Variants in COL4A6 observed in about 807,000 individuals in gnomAD.
The protein encoded by COL4A6 is collagen alpha-6(IV) chain.
Under a neutral mutation model 126.7 loss-of-function variants are expected in COL4A6, and 59 were observed. The ratio of observed to expected loss-of-function variants is 0.47; its 90% CI spans 0.38 to 0.58. The LOEUF is 0.58. Ranked by LOEUF, COL4A6 falls within the 20% of genes least tolerant of loss-of-function variation. The pLI, the probability that COL4A6 is intolerant of heterozygous loss-of-function variation, is 0.00. For missense variants in COL4A6, 1,285 were observed against 1,337.3 expected, an observed-to-expected ratio of 0.96 and a Z score of 0.61; for synonymous variants, 547 against 496.6, an observed-to-expected ratio of 1.10 and a Z score of -1.35.
intron 2 of COL4A6, among the ~76,000 whole-genome samples, chrX:108,364,719 A>G (rs2040160054): frequency 1.8e-5 from 2 of 111,913 alleles, no homozygotes; most frequent in South Asian, 7.7e-4. Flanking sequence ...AATGGCCTCC[A>G]GTTCCATTCA....
At chrX:108,419,137 C>T (rs1423063444) in intron 2 of COL4A6, among the ~76,000 whole-genome samples, 1 of 111,926 alleles carries the variant, frequency 8.9e-6, no homozygotes, top group Non-Finnish European at 1.9e-5. Flanking sequence ...AAAGTAACTC[C>T]AAACTGAGGC....
At chrX:108,317,318 G>T (rs1165160613) in intron 2 of COL4A6, among the ~76,000 whole-genome samples, 1 of 111,958 alleles carries the variant, frequency 8.9e-6, no homozygotes, top group Non-Finnish European at 1.9e-5. Context: ...GGAGAAGCTT[G>T]CTTGGGAAGC....
intron 2 of COL4A6, among the ~76,000 whole-genome samples, chrX:108,350,167 T>A (rs1269590288): frequency 1.8e-5 from 2 of 111,942 alleles, no homozygotes; most frequent in African/African-American, 6.5e-5. Context: ...AAAACAAAAA[T>A]GCTATCATAA....
At chrX:108,373,356 A>G (rs1183348173) in intron 2 of COL4A6, among the ~76,000 whole-genome samples, 1 of 112,019 alleles carries the variant, frequency 8.9e-6, no homozygotes, top group Admixed American at 9.4e-5. Context: ...ACTGAATTTA[A>G]AATTTAAAGC....
At chrX:108,346,983 A>C (rs1486607658) in intron 2 of COL4A6, among the ~76,000 whole-genome samples, 1 of 112,239 alleles carries the variant, frequency 8.9e-6, no homozygotes, top group African/African-American at 3.2e-5. Context: ...GCTTTCCTAG[A>C]GTGTCGTTTA....
At chrX:108,301,632 C>A (rs764819352) in intron 3 of COL4A6, among the ~76,000 whole-genome samples, 5 of 111,555 alleles carry the variant, frequency 4.5e-5, no homozygotes, top group African/African-American at 1.6e-4. Flanking sequence ...GAATGGAACA[C>A]TTGATTTAAA....
intron 2 of COL4A6, among the ~76,000 whole-genome samples, chrX:108,331,361 C>T (rs1040929683): frequency 8.9e-6 from 1 of 111,978 alleles, no homozygotes; most frequent in Non-Finnish European, 1.9e-5. Flanking sequence ...CTTACACAAA[C>T]TTAGATGGTA....
At chrX:108,269,270 A>AC (rs1016938501) in intron 3 of COL4A6, 1 of 295,512 alleles carries the variant, frequency 3.4e-6, no homozygotes, top group African/African-American at 2.7e-5. Context: ...AGAGCAAAGC[A>AC]CACTGTCAGT....
At position 108,362,362 on chromosome X, in the gene COL4A6, A is replaced by G. The variant is rs148328642; in HGVS notation, c.64-51534T>C. 1.1e-3 allele frequency among the ~76,000 whole-genome samples: 124 copies of G among 111,983 alleles called. 1 individual carries two copies. The East Asian group carries it at 0.016, about 15-fold the overall frequency. On this transcript the variant is annotated intron_variant, in intron 2 of 44. Transcript: ENST00000334504. ...AACTTGAACAGATGGGTAAAATGTTAATACATGATCATGGGCATGTTGATA... is the reference window on the plus strand; with the variant it reads ...AACTTGAACAGATGGGTAAAATGTTGATACATGATCATGGGCATGTTGATA...
In COL4A6 at chrX:108,161,675, G is replaced by A. The variant is rs2033943378; in HGVS notation, c.4277C>T (p.Pro1426Leu). 9.6e-6 allele frequency: 11 copies of A among 1,141,975 alleles called. No individual in the cohort carries two copies. The South Asian group carries it at 1.8e-4, about 19-fold the overall frequency. The allele number at this position is 1,141,975 out of a possible 1,213,427, so 94.1% of individuals were successfully genotyped here. ...CAGACCAGGATCACCAAGAGCCCCA[G>A]GTGGGCCTGGGAGCCCACTGGGGCC... Reference protein sequence around the residue: ...KDGPSGLPGPPGALGDPGLPG... With the variant: ...KDGPSGLPGPLGALGDPGLPG... Residue 1426 changes from proline to leucine, a missense_variant, in exon 42 of 45, where the codon CCT (proline) becomes CTT (leucine). Pro to Leu is a moderately conservative substitution (Grantham distance 98). Transcript: ENST00000334504.
chrX:108,219,145 G>A (rs2035941560), intron 5 of COL4A6, among the ~76,000 whole-genome samples: 1 of 112,126 alleles, frequency 8.9e-6, no homozygotes, highest in Admixed American at 9.4e-5. Context: ...CACTTCTCTT[G>A]GGCAGAGCAG....
chrX:108,324,941 A>C lies in COL4A6; in HGVS notation c.64-14113T>G, dbSNP rs542664676. On this transcript the variant is annotated intron_variant, in intron 2 of 44. Transcript: ENST00000334504. ...AAAGAACAACATATTACTTTTACCTATTTTTTGGCTGCAATATTAAGCTGT... is the reference window on the plus strand; with the variant it reads ...AAAGAACAACATATTACTTTTACCTCTTTTTTGGCTGCAATATTAAGCTGT... Among the ~76,000 whole-genome samples, 3 of 112,391 alleles carry C rather than the reference A, an allele frequency of 2.7e-5. No individual in the cohort carries two copies. The South Asian group carries it at 1.1e-3, about 41-fold the overall frequency.
intron 3 of COL4A6, among the ~76,000 whole-genome samples, chrX:108,297,455 G>C (rs2038355992): frequency 9.0e-6 from 1 of 111,103 alleles, no homozygotes; most frequent in African/African-American, 3.3e-5. Flanking sequence ...AGGATGTTTA[G>C]TAGCATCCCT....
intron 2 of COL4A6, among the ~76,000 whole-genome samples, chrX:108,372,841 T>A (rs759785958): frequency 8.9e-6 from 1 of 112,255 alleles, no homozygotes; most frequent in Admixed American, 9.4e-5. Flanking sequence ...TCAACCCTAT[T>A]TAGTATGTAG....
At chrX:108,161,934 G>A (rs900564290) in intron 41 of COL4A6, among the ~76,000 whole-genome samples, 199 bp from the exon 42 acceptor site, 1 of 112,272 alleles carries the variant, frequency 8.9e-6, no homozygotes, top group East Asian at 2.8e-4. Context: ...CTCTGCCCTG[G>A]GGCAGTGCCC....
At chrX:108,230,537 A>G (rs993099514) in intron 3 of COL4A6, among the ~76,000 whole-genome samples, 1 of 111,774 alleles carries the variant, frequency 8.9e-6, no homozygotes, top group Non-Finnish European at 1.9e-5. Flanking sequence ...GTTGGGGGGA[A>G]ATGCAAGAAC....
At chrX:108,168,291 G>A (rs764398615) in intron 37 of COL4A6, among the ~76,000 whole-genome samples, 1 of 111,971 alleles carries the variant, frequency 8.9e-6, no homozygotes, top group South Asian at 3.8e-4. Flanking sequence ...GGGCAGGCTC[G>A]GACCCTGCTT....
At chrX:108,230,433 A>G (rs978640756) in intron 3 of COL4A6, among the ~76,000 whole-genome samples, 1 of 111,368 alleles carries the variant, frequency 9.0e-6, no homozygotes, top group African/African-American at 3.3e-5. Flanking sequence ...GAGAAGGGGG[A>G]GCAGAGATCC....
chrX:108,215,238 CGTT>C (rs1416028812), intron 5 of COL4A6, among the ~76,000 whole-genome samples: 5 of 111,923 alleles, frequency 4.5e-5, no homozygotes, highest in Non-Finnish European at 7.5e-5. Flanking sequence ...GTTTCATTTT[CGTT>C]GTTATTATAG....
Sources: allele counts gnomAD v4.1 joint callset (sites outside exome capture counted in the v4.1 genomes callset), GRCh38; gene constraint gnomAD v4.1.1; transcripts MANE v1.5; gene names NCBI Gene and HGNC (gene_info 2026-07-23, HGNC 2026-07-21).